Variants in DIP2C observed in about 807,000 individuals in gnomAD.
The protein encoded by DIP2C is disco-interacting protein 2 homolog C.
Under a neutral mutation model 192.4 loss-of-function variants are expected in DIP2C, and 33 were observed. That is an observed-to-expected ratio of 0.17 (90% CI 0.13 to 0.23). The LOEUF (loss-of-function observed/expected upper bound fraction) is 0.23, where lower values mean the gene tolerates loss of function less well. DIP2C is among the 10% of genes least tolerant of loss of function. DIP2C has a pLI of 1.00. For missense variants in DIP2C, 1,537 were observed against 2,110.1 expected, an observed-to-expected ratio of 0.73 and a Z score of 5.32; for synonymous variants, 979 against 864.1, an observed-to-expected ratio of 1.13 and a Z score of -2.33.
In DIP2C at chr10:327,061, G is replaced by T. The variant is rs771443464; in HGVS notation, c.3869C>A (p.Pro1290Gln). 6.2e-7 allele frequency: 1 copy of T among 1,614,036 alleles called. No homozygotes were observed. Among genetic ancestry groups the T allele is most frequent in the African/African-American group, 1.3e-5 (1 of 74,932 alleles). ...ACCGAACGAGGTGCTGACGGCCCGC[G>T]GGTGAAGGCCCAGGTCCTTAAACAG... ...SKLFKDLGLH[P>Q]RAVSTSFGCR... The change falls in exon 31 of 37, where the codon CCG becomes CAG. Residue 1290 changes from proline to glutamine, a missense_variant. Physicochemically the swap from Pro to Gln is moderately conservative, Grantham distance 76. Transcript: ENST00000280886.
At chr10:286,128 C>T (rs969241171) in intron 34 of DIP2C, 145 bp downstream of exon 34, 9 of 737,144 alleles carry the variant, frequency 1.2e-5, no homozygotes, top group African/African-American at 8.7e-5. Context: ...GCTTACCTCA[C>T]GCTATTTCCC....
intron 31 of DIP2C, among the ~76,000 whole-genome samples, chr10:323,896 C>T (rs569165815): frequency 5.3e-5 from 8 of 152,164 alleles, no homozygotes; most frequent in Non-Finnish European, 1.2e-4. Flanking sequence ...GCCGCTGGAT[C>T]CTGGGCTTCT....
intron 1 of DIP2C, among the ~76,000 whole-genome samples, chr10:510,635 C>T (rs767903426): frequency 3.3e-5 from 5 of 152,226 alleles, no homozygotes; most frequent in Admixed American, 2.6e-4. Flanking sequence ...TGGGGATAAG[C>T]TGAACAAAAC....
intron 1 of DIP2C, among the ~76,000 whole-genome samples, chr10:578,891 TAC>T (rs758030669): frequency 6.6e-6 from 1 of 151,932 alleles, no homozygotes; most frequent in Admixed American, 6.5e-5. Flanking sequence ...GCATAGAGCA[TAC>T]ACACATCCAG....
At chr10:575,155 A>T (rs988980815) in intron 1 of DIP2C, among the ~76,000 whole-genome samples, 19 of 152,238 alleles carry the variant, frequency 1.2e-4, no homozygotes, top group African/African-American at 4.6e-4. Context: ...AAAACAGCGG[A>T]AAAGCAAAAC....
intron 1 of DIP2C, among the ~76,000 whole-genome samples, chr10:612,632 G>C (rs572625032): frequency 6.6e-6 from 1 of 152,120 alleles, no homozygotes; most frequent in South Asian, 2.1e-4. Flanking sequence ...CTGGAGATGG[G>C]ATCCCAGGTT....
chr10:331,919 C>T (rs1277383170), intron 29 of DIP2C, among the ~76,000 whole-genome samples: 4 of 152,046 alleles, frequency 2.6e-5, no homozygotes, highest in African/African-American at 9.7e-5. Context: ...ACCATATTAA[C>T]CACTTCTTTT....
chr10:415,442 C>T (rs902692689), intron 7 of DIP2C, among the ~76,000 whole-genome samples: 8 of 152,132 alleles, frequency 5.3e-5, no homozygotes, highest in African/African-American at 1.7e-4. Context: ...TTGCTGCCAG[C>T]GAAGGATTTC....
Position 531,791 on chromosome 10 carries a change from G to A in DIP2C, c.86-45261C>T, listed in dbSNP as rs574046535. Among the ~76,000 whole-genome samples, 10 of 152,282 alleles carry A rather than the reference G, an allele frequency of 6.6e-5. No individual in the cohort carries two copies. In the East Asian group the frequency reaches 1.2e-3, roughly 18 times the overall value. On this transcript the variant is annotated intron_variant, in intron 1 of 36. Transcript: ENST00000280886. Reference sequence around the variant, plus strand: ...AGGAACACGGACAAACAGCTGCCTCGACGGGTGCCCGTGTCAAGAACACAG... The same window carrying A: ...AGGAACACGGACAAACAGCTGCCTCAACGGGTGCCCGTGTCAAGAACACAG...
At chr10:411,367 G>A (rs1965174024) in intron 8 of DIP2C, among the ~76,000 whole-genome samples, 1 of 152,192 alleles carries the variant, frequency 6.6e-6, no homozygotes, top group African/African-American at 2.4e-5. Flanking sequence ...TTTTTATTAA[G>A]ATTATGAAAT....
intron 15 of DIP2C, 125 bp from the exon 16 acceptor site, chr10:384,271 C>CTTTTTT (rs35461394): frequency 7.0e-5 from 21 of 301,926 alleles, no homozygotes; most frequent in South Asian, 2.0e-4. Flanking sequence ...CCCCACAAAC[C>CTTTTTT]TTTTTTTTTT....
At chr10:582,570 A>T (rs911545859) in intron 1 of DIP2C, among the ~76,000 whole-genome samples, 3 of 152,174 alleles carry the variant, frequency 2.0e-5, no homozygotes, top group African/African-American at 7.2e-5. Flanking sequence ...GTGACAGAGC[A>T]AGACCCTGTC....
chr10:497,653 G>A (rs544923514), intron 1 of DIP2C, among the ~76,000 whole-genome samples: 1 of 152,344 alleles, frequency 6.6e-6, no homozygotes, highest in African/African-American at 2.4e-5. Flanking sequence ...CAGAGAAGCT[G>A]AACATGCAGC....
At chr10:477,874 G>A (rs1187615442) in intron 2 of DIP2C, among the ~76,000 whole-genome samples, 4 of 124,772 alleles carry the variant, frequency 3.2e-5, no homozygotes, top group African/African-American at 1.3e-4. Context: ...GCAGAGAGAA[G>A]AAAACGAGAG....
In DIP2C at chr10:408,910, T is replaced by TAA. The variant is rs1964997242; in HGVS notation, c.1149+15_1149+16insTT. ...CTCTTGTGTTTTGTAGATCCAGCAG[T>TAA]TTAAGTTGCACTTACCCTATCTCCA... On this transcript the variant is annotated intron_variant, in intron 9 of 36. Transcript: ENST00000280886. The TAA allele has an allele frequency of 6.2e-6, 10 of 1,613,278 alleles. No individual in the cohort carries two copies. The highest frequency in any genetic ancestry group is 7.6e-6 in the Non-Finnish European group (9 of 1,179,544).
At chr10:581,001 C>T (rs79567429) in intron 1 of DIP2C, among the ~76,000 whole-genome samples, 1 of 152,222 alleles carries the variant, frequency 6.6e-6, no homozygotes, top group South Asian at 2.1e-4. Flanking sequence ...GACAATTTGA[C>T]TCACAGTATT....
At chr10:375,733 A>C (rs1961490450) in intron 17 of DIP2C, among the ~76,000 whole-genome samples, 1 of 152,136 alleles carries the variant, frequency 6.6e-6, no homozygotes. Flanking sequence ...CATTCACACA[A>C]AACAAACACA....
rs1168277897 is a variant in DIP2C at position 327,325 on chromosome 10, A to AT, written c.3754-150dup. The AT allele has an allele frequency of 3.7e-6, 3 of 820,594 alleles. No individual in the cohort carries two copies. In the East Asian group the frequency reaches 8.6e-5, roughly 23 times the overall value. The allele number at this position is 820,594 out of a possible 1,614,324, so 50.8% of individuals were successfully genotyped here. A position where few individuals can be genotyped will look rare whatever the true frequency, so the allele number is the denominator to read the frequency against. On this transcript the variant is annotated intron_variant, in intron 30 of 36. Transcript: ENST00000280886. Reference sequence around the variant, plus strand: ...GGCCACCTGTGTCCACTTCTTCAATATAACAAACCAGGAGTTGGTGAAAAA... The same window carrying AT: ...GGCCACCTGTGTCCACTTCTTCAATATTAACAAACCAGGAGTTGGTGAAAAA...
At chr10:673,125 C>T (rs538039946) in intron 1 of DIP2C, among the ~76,000 whole-genome samples, 1 of 152,296 alleles carries the variant, frequency 6.6e-6, no homozygotes, top group African/African-American at 2.4e-5. Flanking sequence ...TCAGCCACCC[C>T]ACCCCAGAGC....
Sources: allele counts gnomAD v4.1 joint callset (sites outside exome capture counted in the v4.1 genomes callset), GRCh38; gene constraint gnomAD v4.1.1; transcripts MANE v1.5; gene names NCBI Gene and HGNC (gene_info 2026-07-23, HGNC 2026-07-21).